ANTXR1: variants seen among roughly 807,000 people sequenced by gnomAD.
ANTXR1 encodes ANTXR cell adhesion molecule 1.
In ANTXR1, 19 loss-of-function variants were observed where a neutral mutation model predicts 78.1. The observed-to-expected ratio is 0.24, with a 90% CI of 0.17 to 0.36. ANTXR1 has a LOEUF of 0.36. ANTXR1 is among the 10% of genes least tolerant of loss of function. ANTXR1 has a pLI of 1.00. For missense variants in ANTXR1, 518 were observed against 718.6 expected (o/e 0.72, Z 3.19); for synonymous variants, 273 against 260.5 (o/e 1.05, Z -0.46).
chr2:69,182,252 G>A (rs1475895299), intron 15 of ANTXR1, among the ~76,000 whole-genome samples: 1 of 152,096 alleles, frequency 6.6e-6, no homozygotes, highest in Admixed American at 6.5e-5. Flanking sequence ...CTTTGCATGT[G>A]CTGTCCCCGC....
chr2:69,048,555 C>T (rs943710687), intron 3 of ANTXR1, among the ~76,000 whole-genome samples: 5 of 152,158 alleles, frequency 3.3e-5, no homozygotes, highest in Non-Finnish European at 7.4e-5. Context: ...ACAAGGTCAA[C>T]ATCCAGTGTT....
intron 17 of ANTXR1, among the ~76,000 whole-genome samples, chr2:69,242,719 GAT>G (rs1237749793): frequency 1.3e-5 from 2 of 152,214 alleles, no homozygotes; most frequent in Admixed American, 6.5e-5. Flanking sequence ...GGGCAGAACA[GAT>G]AGCACAGTAA....
intron 12 of ANTXR1, among the ~76,000 whole-genome samples, chr2:69,139,838 G>A (rs143044711): frequency 1.3e-5 from 2 of 152,114 alleles, no homozygotes; most frequent in Non-Finnish European, 2.9e-5. Context: ...GTAAGTAAAC[G>A]AATCACTATA....
intron 14 of ANTXR1, among the ~76,000 whole-genome samples, chr2:69,171,021 T>C (rs1421790873): frequency 6.6e-6 from 1 of 152,184 alleles, no homozygotes; most frequent in African/African-American, 2.4e-5. Context: ...TCTCTAGAAG[T>C]AACATCCACC....
chr2:69,090,978 T>TC, intron 9 of ANTXR1, 59 bp downstream of exon 9: 1 of 1,546,422 alleles, frequency 6.5e-7, no homozygotes, highest in Non-Finnish European at 8.9e-7. Context: ...TGAGTTCAAG[T>TC]CACGTATGTA....
intron 12 of ANTXR1, among the ~76,000 whole-genome samples, chr2:69,126,622 C>A (rs191942795): frequency 6.6e-6 from 1 of 152,114 alleles, no homozygotes; most frequent in African/African-American, 2.4e-5. Flanking sequence ...ACAGCCACTG[C>A]CCTTGAGACC....
intron 1 of ANTXR1, among the ~76,000 whole-genome samples, chr2:69,018,190 T>C (rs1671081183): frequency 6.6e-6 from 1 of 152,114 alleles, no homozygotes; most frequent in African/African-American, 2.4e-5. Context: ...TAAATCCTTA[T>C]ATGTCTAAAG....
intron 3 of ANTXR1, among the ~76,000 whole-genome samples, chr2:69,066,638 C>T (rs1445442636): frequency 6.6e-6 from 1 of 152,168 alleles, no homozygotes; most frequent in East Asian, 1.9e-4. Context: ...ACCTTCTACC[C>T]CTACAAACCA....
chr2:69,129,558 C>T (rs2104392422), intron 12 of ANTXR1, among the ~76,000 whole-genome samples: 1 of 152,216 alleles, frequency 6.6e-6, no homozygotes, highest in Non-Finnish European at 1.5e-5. Flanking sequence ...TCGAGACCAT[C>T]CTGGCCAACA....
intron 10 of ANTXR1, chr2:69,103,733 G>A (rs770252266): frequency 4.2e-4 from 66 of 155,800 alleles, no homozygotes; most frequent in Non-Finnish European, 7.1e-4. Context: ...TTTGCATCTG[G>A]CATCCGTCAC....
chr2:69,169,759 A>G (rs1573951191), intron 13 of ANTXR1, among the ~76,000 whole-genome samples: 1 of 152,218 alleles, frequency 6.6e-6, no homozygotes, highest in Non-Finnish European at 1.5e-5. Context: ...CTGCAAAGAC[A>G]CCCGTGGGGA....
intron 17 of ANTXR1, among the ~76,000 whole-genome samples, chr2:69,211,910 C>G (rs1031875855): frequency 6.6e-6 from 1 of 152,172 alleles, no homozygotes; most frequent in Non-Finnish European, 1.5e-5. Context: ...CTCACACCAC[C>G]CCCGGCCCAA....
intron 17 of ANTXR1, among the ~76,000 whole-genome samples, chr2:69,225,800 T>C (rs1400545403): frequency 6.6e-6 from 1 of 152,138 alleles, no homozygotes; most frequent in Non-Finnish European, 1.5e-5. Flanking sequence ...CACTAGCAAA[T>C]GTTGGGTGCT....
chr2:69,115,334 A>G (rs1672108139), intron 10 of ANTXR1, among the ~76,000 whole-genome samples: 1 of 152,234 alleles, frequency 6.6e-6, no homozygotes, highest in Non-Finnish European at 1.5e-5. Flanking sequence ...AGACTCACTC[A>G]GTTTGTGCAC....
intron 1 of ANTXR1, among the ~76,000 whole-genome samples, chr2:69,026,787 G>A (rs945397590): frequency 6.6e-6 from 1 of 152,168 alleles, no homozygotes; most frequent in African/African-American, 2.4e-5. Flanking sequence ...GGAGCATCTG[G>A]AGCATAAACA....
chr2:69,199,940 G>A (rs1234627593), intron 17 of ANTXR1, among the ~76,000 whole-genome samples: 1 of 152,160 alleles, frequency 6.6e-6, no homozygotes, highest in Non-Finnish European at 1.5e-5. Context: ...CAGGAAGATG[G>A]TTAATCTAGA....
intron 3 of ANTXR1, among the ~76,000 whole-genome samples, chr2:69,047,963 A>G (rs1669821287): frequency 3.3e-5 from 5 of 152,122 alleles, no homozygotes; most frequent in Admixed American, 3.3e-4. Context: ...TGCTCTTCCA[A>G]GATTTCCTGG....
intron 8 of ANTXR1, among the ~76,000 whole-genome samples, chr2:69,087,011 C>T (rs543825798): frequency 5.3e-5 from 8 of 152,236 alleles, no homozygotes; most frequent in South Asian, 2.1e-4. Flanking sequence ...AATATCTCTG[C>T]GTTCATGACT....
intron 2 of ANTXR1, among the ~76,000 whole-genome samples, chr2:69,043,814 G>A (rs1395120099): frequency 2.6e-5 from 4 of 152,114 alleles, no homozygotes; most frequent in African/African-American, 9.7e-5. Flanking sequence ...AAATTGTAGT[G>A]GTCAGACGAT....
Sources: allele counts gnomAD v4.1 joint callset (sites outside exome capture counted in the v4.1 genomes callset), GRCh38; gene constraint gnomAD v4.1.1; transcripts MANE v1.5; gene names NCBI Gene and HGNC (gene_info 2026-07-23, HGNC 2026-07-21).